HS3ST4: variants seen among roughly 807,000 people sequenced by gnomAD.
HS3ST4 encodes heparan sulfate-glucosamine 3-sulfotransferase 4.
In HS3ST4, 17 loss-of-function variants were observed where a neutral mutation model predicts 29.2. The ratio of observed to expected loss-of-function variants is 0.58; its 90% CI spans 0.40 to 0.87. The LOEUF (loss-of-function observed/expected upper bound fraction) is 0.87, where lower values mean the gene tolerates loss of function less well. HS3ST4 is among the 40% of genes least tolerant of loss of function. The pLI is 0.00. For synonymous variants in HS3ST4, 314 were observed against 285.7 expected (o/e 1.10, Z -1.00); for missense variants, 627 against 634.5 (o/e 0.99, Z 0.13).
intron 1 of HS3ST4, among the ~76,000 whole-genome samples, chr16:25,955,698 G>A (rs1416603429): frequency 6.6e-6 from 1 of 152,004 alleles, no homozygotes; most frequent in Non-Finnish European, 1.5e-5. Flanking sequence ...TTATAGGAGT[G>A]GTTGGTGTGT....
chr16:25,872,287 G>A (rs1967763030), intron 1 of HS3ST4, among the ~76,000 whole-genome samples: 2 of 113,484 alleles, frequency 1.8e-5, no homozygotes, highest in Non-Finnish European at 4.1e-5. Flanking sequence ...ACACCAGTGT[G>A]TTCACTTAGT....
At chr16:26,114,851 G>A (rs1261240042) in intron 1 of HS3ST4, among the ~76,000 whole-genome samples, 1 of 152,070 alleles carries the variant, frequency 6.6e-6, no homozygotes, top group Non-Finnish European at 1.5e-5. Flanking sequence ...CACACCCCAT[G>A]ACCCAGCAAT....
At chr16:26,006,008 G>A (rs1414436324) in intron 1 of HS3ST4, among the ~76,000 whole-genome samples, 2 of 152,056 alleles carry the variant, frequency 1.3e-5, no homozygotes, top group African/African-American at 4.8e-5. Context: ...GGTTAAATGA[G>A]GCTCAAGTGG....
chr16:25,782,474 C>T (rs1351138470), intron 1 of HS3ST4, among the ~76,000 whole-genome samples: 1 of 152,190 alleles, frequency 6.6e-6, no homozygotes, highest in African/African-American at 2.4e-5. Context: ...CTCATGCTTG[C>T]ATTTTTTCCA....
chr16:25,912,082 T>C (rs1253706731), intron 1 of HS3ST4, among the ~76,000 whole-genome samples: 1 of 152,168 alleles, frequency 6.6e-6, no homozygotes, highest in African/African-American at 2.4e-5. Flanking sequence ...CTGGAAAAGA[T>C]AGCAGTAGTT....
At chr16:25,970,428 A>G (rs1219971048) in intron 1 of HS3ST4, among the ~76,000 whole-genome samples, 1 of 152,258 alleles carries the variant, frequency 6.6e-6, no homozygotes, top group Non-Finnish European at 1.5e-5. Context: ...ATGAATTAGT[A>G]AAGAACTCAT....
chr16:25,827,450 C>T (rs1967230595), intron 1 of HS3ST4, among the ~76,000 whole-genome samples: 1 of 151,948 alleles, frequency 6.6e-6, no homozygotes, highest in Non-Finnish European at 1.5e-5. Flanking sequence ...GAATACAGTT[C>T]CCCAAATTCC....
At chr16:25,851,372 T>C (rs1253323527) in intron 1 of HS3ST4, among the ~76,000 whole-genome samples, 1 of 152,214 alleles carries the variant, frequency 6.6e-6, no homozygotes, top group Non-Finnish European at 1.5e-5. Flanking sequence ...TTCCTTCTTA[T>C]GTGATATTAC....
At chr16:26,103,755 A>T (rs947028945) in intron 1 of HS3ST4, among the ~76,000 whole-genome samples, 10 of 152,168 alleles carry the variant, frequency 6.6e-5, no homozygotes, top group South Asian at 2.1e-4. Flanking sequence ...AATACCCTTG[A>T]GTGTTTCACA....
At chr16:25,969,948 C>T (rs1968879985) in intron 1 of HS3ST4, among the ~76,000 whole-genome samples, 1 of 152,190 alleles carries the variant, frequency 6.6e-6, no homozygotes, top group Non-Finnish European at 1.5e-5. Context: ...GCTTTGTCTC[C>T]AATCCTGGCC....
intron 1 of HS3ST4, among the ~76,000 whole-genome samples, chr16:25,964,667 A>T (rs2141703502): frequency 6.6e-6 from 1 of 152,308 alleles, no homozygotes; most frequent in East Asian, 1.9e-4. Flanking sequence ...AGTCCCTGTG[A>T]ATCCTGCCGC....
At chr16:25,765,407 C>A (rs1216610066) in intron 1 of HS3ST4, among the ~76,000 whole-genome samples, 2 of 152,200 alleles carry the variant, frequency 1.3e-5, no homozygotes, top group Non-Finnish European at 2.9e-5. Context: ...TCCCCGAATG[C>A]TCCTGAATCA....
chr16:25,754,879 A>G (rs959174753), intron 1 of HS3ST4, among the ~76,000 whole-genome samples: 1 of 150,430 alleles, frequency 6.6e-6, no homozygotes, highest in Non-Finnish European at 1.5e-5. Flanking sequence ...CCACCCATCC[A>G]TCTATCCACC....
At chr16:26,048,799 C>G (rs116610328) in intron 1 of HS3ST4, among the ~76,000 whole-genome samples, 4 of 152,160 alleles carry the variant, frequency 2.6e-5, no homozygotes, top group Admixed American at 2.6e-4. Context: ...CACCACTACA[C>G]TCTAGCCTGG....
chr16:26,078,323 ATTT>A (rs992504886), intron 1 of HS3ST4, among the ~76,000 whole-genome samples: 1 of 151,824 alleles, frequency 6.6e-6, no homozygotes, highest in Non-Finnish European at 1.5e-5. Context: ...TTGTGTGTGT[ATTT>A]TTTAGTAGAG....
chr16:25,819,671 T>C (rs1285498526), intron 1 of HS3ST4, among the ~76,000 whole-genome samples: 1 of 152,100 alleles, frequency 6.6e-6, no homozygotes, highest in Admixed American at 6.5e-5. Flanking sequence ...AAAGACTCTT[T>C]AATAGCGGGA....
chr16:25,778,322 A>G (rs899506695), intron 1 of HS3ST4, among the ~76,000 whole-genome samples: 37 of 152,148 alleles, frequency 2.4e-4, no homozygotes, highest in Admixed American at 2.2e-3. Context: ...TGAGTTTGCA[A>G]CAATCCAGTG....
In HS3ST4 at chr16:25,741,365, T is replaced by TAAAAAAA. The variant is rs66788248; in HGVS notation, c.734+48233_734+48239dup. ...TTAAAGGATGAGTTTGAATTCAAGG[T>TAAAAAAA]AAAAAAAAAAAAAAAAAAAAAAAAA... On this transcript the variant is annotated intron_variant, in intron 1 of 1. Coordinates refer to ENST00000331351, the MANE Select transcript of HS3ST4 (RefSeq NM_006040.3). Among the ~76,000 whole-genome samples the TAAAAAAA allele has an allele frequency of 9.5e-4, 63 of 66,178 alleles. 5 individuals carry two copies. Among genetic ancestry groups the TAAAAAAA allele is most frequent in the African/African-American group, 3.5e-3 (58 of 16,340 alleles). 43.4% of individuals were successfully genotyped at this position (66,178 alleles called of 152,430 possible).
intron 1 of HS3ST4, among the ~76,000 whole-genome samples, chr16:26,123,238 T>C (rs1899300255): frequency 6.6e-6 from 1 of 152,188 alleles, no homozygotes. Context: ...GAGATGTTAT[T>C]ATCCCCATTT....
Sources: gnomAD v4.1 joint callset for allele counts (sites outside exome capture counted in the v4.1 genomes callset) on GRCh38, gnomAD v4.1.1 for gene constraint, MANE v1.5 for transcripts, NCBI Gene and HGNC (gene_info 2026-07-23, HGNC 2026-07-21) for gene names.